USP6NL: variants seen among roughly 807,000 people sequenced by gnomAD.
USP6NL encodes USP6 N-terminal-like protein.
In USP6NL, 26 loss-of-function variants were observed where a neutral mutation model predicts 61.9. The ratio of observed to expected loss-of-function variants is 0.42; its 90% CI spans 0.31 to 0.58. USP6NL has a LOEUF of 0.58. Ranked by LOEUF, USP6NL falls within the 20% of genes least tolerant of loss-of-function variation. The pLI, the probability that USP6NL is intolerant of heterozygous loss-of-function variation, is 0.16. For missense variants in USP6NL, 1,114 were observed against 1,034.3 expected (o/e 1.08, Z -1.06); for synonymous variants, 432 against 390.1 (o/e 1.11, Z -1.27).
At chr10:11,493,477 G>A (rs1308889981) in intron 7 of USP6NL, among the ~76,000 whole-genome samples, 1 of 151,944 alleles carries the variant, frequency 6.6e-6, no homozygotes, top group Non-Finnish European at 1.5e-5. Context: ...TGTCTATCTA[G>A]TTAATTTTAA....
rs1377520217 is a variant in USP6NL, at chr10:11,509,538, T to C, written c.276+57A>G. The stretch of plus-strand genomic sequence containing the variant: ...TATAATTAAAGAAGAACTTCTACTA[T>C]GAAAATCCACATTGAGTTTATATAG... On this transcript the variant is annotated intron_variant, in intron 6 of 14. Coordinates refer to ENST00000609104, the MANE Select transcript of USP6NL (RefSeq NM_014688.5). The C allele has an allele frequency of 1.9e-5, 27 of 1,408,502 alleles. No homozygotes were observed. The Middle Eastern group carries it at 5.4e-4, about 28-fold the overall frequency. 87.3% of individuals were successfully genotyped at this position (1,408,502 alleles called of 1,614,324 possible). A position where few individuals can be genotyped will look rare whatever the true frequency, so the allele number is the denominator to read the frequency against.
Position 11,463,147 on chromosome 10 carries a change from G to A in USP6NL, c.1781C>T (p.Ser594Phe), listed in dbSNP as rs763468185. Residue 594 changes from serine to phenylalanine, a missense_variant, in exon 15 of 15, where the codon TCT (serine) becomes TTT (phenylalanine). Ser to Phe is a radical substitution (Grantham distance 155). Coordinates refer to ENST00000609104, the MANE Select transcript of USP6NL (RefSeq NM_014688.5). The surrounding 1 kb of genome is among the most constrained non-coding windows in gnomAD (Gnocchi z 6.3). ...PSPRKHAEPS[S>F]SPSKVSNKFT... ...CTTGTTGGATACTTTTGATGGACTA[G>A]AACTTGGCTCAGCGTGCTTTCTCGG... 6.2e-7 allele frequency: 1 copy of A among 1,613,964 alleles called. No homozygotes were observed. Among genetic ancestry groups the A allele is most frequent in the Admixed American group, 1.7e-5 (1 of 60,030 alleles).
At position 11,511,886 on chromosome 10, in the gene USP6NL, C is replaced by T. The variant is rs940595709; in HGVS notation, c.196-2211G>A. ...GCTATAGGATCCGAAAATTATGTAT[C>T]AGTATTCAATCAAGTTTAAGTGCTA... On this transcript the variant is annotated intron_variant, in intron 5 of 14. Transcript: ENST00000609104. The surrounding 1 kb of genome is among the most constrained non-coding windows in gnomAD (Gnocchi z 4.9). 1.3e-5 allele frequency among the ~76,000 whole-genome samples: 2 copies of T among 151,942 alleles called. No individual in the cohort carries two copies. Among genetic ancestry groups the T allele is most frequent in the African/African-American group, 2.4e-5 (1 of 41,364 alleles).
At chr10:11,517,890 A>C (rs1195739547) in intron 5 of USP6NL, among the ~76,000 whole-genome samples, 1 of 152,210 alleles carries the variant, frequency 6.6e-6, no homozygotes, top group Non-Finnish European at 1.5e-5. Flanking sequence ...TCTGGTACAG[A>C]AACAGTGGGG....
Position 11,606,935 on chromosome 10 carries a change from G to A in USP6NL, c.-84+4508C>T, listed in dbSNP as rs942260727. 9.2e-5 allele frequency among the ~76,000 whole-genome samples: 14 copies of A among 152,052 alleles called. No individual in the cohort carries two copies. The East Asian group carries it at 1.7e-3, about 19-fold the overall frequency. On this transcript the variant is annotated intron_variant, in intron 1 of 14. Coordinates refer to ENST00000609104, the MANE Select transcript of USP6NL (RefSeq NM_014688.5). ...CCTCCGAGTAGCTGGGACCACAAGC[G>A]TACGCCACCATGCCCCACTAATTTT...
At chr10:11,484,528 T>G (rs1833377367) in intron 13 of USP6NL, among the ~76,000 whole-genome samples, 1 of 152,122 alleles carries the variant, frequency 6.6e-6, no homozygotes, top group East Asian at 1.9e-4. Context: ...CTGGGTGCTA[T>G]TCTCCCTGGA....
chr10:11,599,669 G>A (rs1050374923), intron 1 of USP6NL, among the ~76,000 whole-genome samples: 7 of 151,510 alleles, frequency 4.6e-5, no homozygotes, highest in Non-Finnish European at 8.8e-5. Flanking sequence ...CTGAAGTCAC[G>A]CGTTCAGGAT....
chr10:11,555,433 A>AATATATATATATATATATATAT, intron 2 of USP6NL, among the ~76,000 whole-genome samples: 1 of 49,022 alleles, frequency 2.0e-5, no homozygotes, highest in African/African-American at 9.4e-5. Flanking sequence ...AAAAAAAAAA[A>AATATATATATATATATATATAT]ATATATATAT....
At position 11,460,643 on chromosome 10, in the gene USP6NL, AT is replaced by A. The variant is rs1367533411; in HGVS notation, c.*1797del. The A allele has an allele frequency of 6.9e-6, 1 of 145,578 alleles. No homozygotes were observed. Among genetic ancestry groups the A allele is most frequent in the South Asian group, 2.2e-4 (1 of 4,478 alleles). The allele number at this position is 145,578 out of a possible 1,614,324, so 9.0% of individuals were successfully genotyped here. ...TTTTTGCATATATATATATATATAT[AT>A]ATATATATATAAAAATCTACAGTAT... On this transcript the variant is annotated 3_prime_UTR_variant, in exon 15 of 15. Transcript: ENST00000609104.
chr10:11,499,733 A>G lies in USP6NL; in HGVS notation c.384+1368T>C, dbSNP rs890374004. Among the ~76,000 whole-genome samples the G allele has an allele frequency of 2.0e-5, 3 of 152,192 alleles. 1 individual carries two copies. Among genetic ancestry groups the G allele is most frequent in the Admixed American group, 2.0e-4 (3 of 15,288 alleles). The stretch of plus-strand genomic sequence containing the variant: ...GGAGGCCAGGAAGATGCCTCCCTAG[A>G]GCCCTGAGAGAAAGTGTTGTCCTGC... On this transcript the variant is annotated intron_variant, in intron 7 of 14. Coordinates refer to ENST00000609104, the MANE Select transcript of USP6NL (RefSeq NM_014688.5). The surrounding 1 kb of genome is among the most constrained non-coding windows in gnomAD (Gnocchi z 4.5).
rs882206 is a variant in USP6NL, at chr10:11,490,759, C to A, written c.543+73G>T. 0.43 allele frequency: 623,419 copies of A among 1,438,336 alleles called. 139,214 individuals carry two copies. The highest frequency in any genetic ancestry group is 0.51 in the Middle Eastern group (2,929 of 5,752). 89.1% of individuals were successfully genotyped at this position (1,438,336 alleles called of 1,614,324 possible). On this transcript the variant is annotated intron_variant, in intron 9 of 14. Coordinates refer to ENST00000609104, the MANE Select transcript of USP6NL (RefSeq NM_014688.5). This position sits in a 1 kb window ranked among gnomAD's most constrained non-coding sequence, Gnocchi z 4.5. ...TAGCTCTGAGATGCAGAAATGTGCC[C>A]ACAGGGCCCTGCTAAGTAGGGAGTA...
chr10:11,493,896 G>C (rs530944341), intron 7 of USP6NL, among the ~76,000 whole-genome samples: 11 of 152,294 alleles, frequency 7.2e-5, no homozygotes, highest in Admixed American at 2.0e-4. Context: ...TGTGCGGCCT[G>C]ACCTCTGGGC....
intron 4 of USP6NL, among the ~76,000 whole-genome samples, chr10:11,522,936 A>G (rs1176382979): frequency 6.6e-6 from 1 of 152,230 alleles, no homozygotes; most frequent in Non-Finnish European, 1.5e-5. Flanking sequence ...CTGTCAATAC[A>G]ACATCGGCAA....
intron 6 of USP6NL, among the ~76,000 whole-genome samples, chr10:11,508,121 C>T (rs957169605): frequency 6.6e-6 from 1 of 152,216 alleles, no homozygotes; most frequent in East Asian, 1.9e-4. Flanking sequence ...AAAATCCCAA[C>T]AGTTAACTCA....
At chr10:11,568,124 T>C (rs966641668) in intron 2 of USP6NL, among the ~76,000 whole-genome samples, 2 of 151,594 alleles carry the variant, frequency 1.3e-5, no homozygotes, top group African/African-American at 2.4e-5. Context: ...TTACCTGATG[T>C]ATCAATGTGT....
At position 11,474,851 on chromosome 10, in the gene USP6NL, G is replaced by A. The variant is rs945403272; in HGVS notation, c.1078+6919C>T. ...CATTACTACTATGTGACTCAAAAGC[G>A]GCCGGGGAGGTGGGATGTGAAGTGT... On this transcript the variant is annotated intron_variant, in intron 14 of 14. Transcript: ENST00000609104. The surrounding 1 kb of genome is among the most constrained non-coding windows in gnomAD (Gnocchi z 4.9). Among the ~76,000 whole-genome samples the A allele has an allele frequency of 3.3e-5, 5 of 152,140 alleles. No homozygotes were observed. Among genetic ancestry groups the A allele is most frequent in the Admixed American group, 1.3e-4 (2 of 15,278 alleles).
rs1253222713 is a variant in USP6NL at position 11,462,495 on chromosome 10, G to C, written c.2433C>G (p.Ala811=). The C allele has an allele frequency of 2.5e-6, 4 of 1,613,910 alleles. No individual in the cohort carries two copies. Among genetic ancestry groups the C allele is most frequent in the African/African-American group, 2.7e-5 (2 of 74,922 alleles). ...GCCCGTCCCGATTCCTGTAGTGGTAGGCTGGAGGCGGGGGCCCTGAATATG... is the reference window on the plus strand; with the variant it reads ...GCCCGTCCCGATTCCTGTAGTGGTACGCTGGAGGCGGGGGCCCTGAATATG... ...GYPYSGPPPP[A]YHYRNRDGLS... is the part of the protein sequence containing the mutation. Residue 811 remains alanine, a synonymous_variant, in exon 15 of 15, where the codon GCC becomes GCG. Transcript: ENST00000609104.
Position 11,525,220 on chromosome 10 carries a change from A to T in USP6NL, c.155+166T>A, listed in dbSNP as rs981704882. 6.6e-6 allele frequency among the ~76,000 whole-genome samples: 1 copy of T among 152,236 alleles called. No homozygotes were observed. Among genetic ancestry groups the T allele is most frequent in the Non-Finnish European group, 1.5e-5 (1 of 68,040 alleles). ...ATTATATCTTAAACAGTTAAATTTTAATCACAGAGTTGTTAAAAGAAACCT... is the reference window on the plus strand; with the variant it reads ...ATTATATCTTAAACAGTTAAATTTTTATCACAGAGTTGTTAAAAGAAACCT... On this transcript the variant is annotated intron_variant, in intron 4 of 14. Coordinates refer to ENST00000609104, the MANE Select transcript of USP6NL (RefSeq NM_014688.5). The surrounding 1 kb of genome is among the most constrained non-coding windows in gnomAD (Gnocchi z 5.0).
Position 11,524,795 on chromosome 10 carries a change from C to T in USP6NL, c.155+591G>A, listed in dbSNP as rs139133775. Among the ~76,000 whole-genome samples, 8 of 152,094 alleles carry T rather than the reference C, an allele frequency of 5.3e-5. No individual in the cohort carries two copies. In the East Asian group the frequency reaches 1.2e-3, roughly 22 times the overall value. The stretch of plus-strand genomic sequence containing the variant: ...TAGAAGTCTCTAGCCTGTAGGAAAC[C>T]GATTAAACAATACCAGAACCAGAAC... On this transcript the variant is annotated intron_variant, in intron 4 of 14. Transcript: ENST00000609104.
Sources: gnomAD v4.1 joint callset for allele counts (sites outside exome capture counted in the v4.1 genomes callset) on GRCh38, gnomAD v4.1.1 for gene constraint, Gnocchi (gnomAD v3.1) non-coding constraint, MANE v1.5 for transcripts, NCBI Gene and HGNC (gene_info 2026-07-23, HGNC 2026-07-21) for gene names.